The following PDE10A variants were observed in gnomAD, a reference collection of about 807,000 sequenced individuals.
PDE10A encodes the protein phosphodiesterase 10A, also known as cAMP and cAMP-inhibited cGMP 3',5'-cyclic phosphodiesterase 10A.
Under a neutral mutation model 97.7 loss-of-function variants are expected in PDE10A, and 39 were observed. The observed-to-expected ratio is 0.40, with a 90% CI of 0.31 to 0.52. The LOEUF (loss-of-function observed/expected upper bound fraction) is 0.52, where lower values mean the gene tolerates loss of function less well. Ranked by LOEUF, PDE10A falls within the 20% of genes least tolerant of loss-of-function variation. The pLI is 0.56. For synonymous variants in PDE10A, 371 were observed against 376.8 expected (o/e 0.98, Z 0.18); for missense variants, 731 against 1,047.8 (o/e 0.70, Z 4.17).
At chr6:165,658,913 C>T (rs997594225) in intron 1 of PDE10A, among the ~76,000 whole-genome samples, 2 of 152,178 alleles carry the variant, frequency 1.3e-5, no homozygotes, top group Non-Finnish European at 2.9e-5. Context: ...GCATTAACTT[C>T]AAACGTGCTT....
intron 1 of PDE10A, among the ~76,000 whole-genome samples, chr6:165,590,611 G>T (rs1170523137): frequency 6.6e-6 from 1 of 152,126 alleles, no homozygotes; most frequent in African/African-American, 2.4e-5. Context: ...ACTTAAGATG[G>T]TCAGGCACAG....
At chr6:165,795,890 G>A (rs192962044) in intron 1 of PDE10A, among the ~76,000 whole-genome samples, 7 of 152,186 alleles carry the variant, frequency 4.6e-5, no homozygotes, top group Admixed American at 1.3e-4. Flanking sequence ...CCACCTTACA[G>A]TCCTCTCCAC....
chr6:165,580,431 A>T (rs1485216596), intron 1 of PDE10A, among the ~76,000 whole-genome samples: 1 of 152,200 alleles, frequency 6.6e-6, no homozygotes, highest in African/African-American at 2.4e-5. Context: ...AGAGGTAGAA[A>T]TGAGGCTGGT....
At chr6:165,549,985 TC>T (rs1160440214) in intron 1 of PDE10A, among the ~76,000 whole-genome samples, 1 of 152,172 alleles carries the variant, frequency 6.6e-6, no homozygotes, top group Non-Finnish European at 1.5e-5. Context: ...CAATTTTGTG[TC>T]TGTATTAATT....
intron 17 of PDE10A, among the ~76,000 whole-genome samples, chr6:165,385,103 T>C (rs1007858132): frequency 1.3e-5 from 2 of 152,200 alleles, no homozygotes; most frequent in African/African-American, 4.8e-5. Context: ...TTTTTAACTG[T>C]TACCCAAGGA....
intron 15 of PDE10A, among the ~76,000 whole-genome samples, chr6:165,393,045 A>G (rs2060258476): frequency 6.6e-6 from 1 of 152,168 alleles, no homozygotes; most frequent in Non-Finnish European, 1.5e-5. Context: ...CTGTCCCACC[A>G]GCGAAAAAAT....
At chr6:165,333,649 C>T (rs191082080) in intron 21 of PDE10A, among the ~76,000 whole-genome samples, 154 of 152,324 alleles carry the variant, frequency 1.0e-3, no homozygotes, top group African/African-American at 3.4e-3. Flanking sequence ...GGCAAAACTT[C>T]GGAAATTTTC....
chr6:165,780,964 T>C (rs1778326080), intron 1 of PDE10A: 2 of 152,206 alleles, frequency 1.3e-5, no homozygotes, highest in Admixed American at 1.3e-4. Context: ...AATGTGGTAG[T>C]GTTGGGTGGT....
At chr6:165,974,033 G>T (rs149478789) in intron 1 of PDE10A, among the ~76,000 whole-genome samples, 2 of 152,234 alleles carry the variant, frequency 1.3e-5, no homozygotes, top group Admixed American at 1.3e-4. Context: ...TTAAATTCAC[G>T]TTAAATAATG....
In PDE10A at chr6:165,480,384, T is replaced by A. The variant is rs1290344794; in HGVS notation, c.1023+1931A>T. 3.3e-5 allele frequency among the ~76,000 whole-genome samples: 5 copies of A among 152,022 alleles called. No individual in the cohort carries two copies. The South Asian group carries it at 8.3e-4, about 25-fold the overall frequency. ...AGGAAGATCACTTGAGCCCAGGAGTTCAACACTAGCTTGGGCAACATGGAA... is the reference window on the plus strand; with the variant it reads ...AGGAAGATCACTTGAGCCCAGGAGTACAACACTAGCTTGGGCAACATGGAA... On this transcript the variant is annotated intron_variant, in intron 3 of 21. Transcript: ENST00000539869.
chr6:165,806,485 C>T (rs1396509785), intron 1 of PDE10A, among the ~76,000 whole-genome samples: 1 of 152,226 alleles, frequency 6.6e-6, no homozygotes, highest in Non-Finnish European at 1.5e-5. Context: ...CTGTGCTGCG[C>T]AGCCTGTGCC....
intron 18 of PDE10A, among the ~76,000 whole-genome samples, chr6:165,374,550 T>TA (rs929632454): frequency 6.6e-6 from 1 of 151,946 alleles, no homozygotes; most frequent in Non-Finnish European, 1.5e-5. Flanking sequence ...TAAACAAACA[T>TA]AAAAAAATCT....
intron 13 of PDE10A, among the ~76,000 whole-genome samples, chr6:165,401,496 T>C (rs1056344740): frequency 1.1e-4 from 17 of 152,238 alleles, no homozygotes; most frequent in African/African-American, 3.9e-4. Context: ...GAAGCATGTA[T>C]ACCTAATTTA....
chr6:165,936,245 T>A (rs759266964), intron 1 of PDE10A, among the ~76,000 whole-genome samples: 3 of 152,098 alleles, frequency 2.0e-5, no homozygotes, highest in Admixed American at 6.5e-5. Flanking sequence ...AGATATGAAA[T>A]CCATTTTACT....
chr6:165,666,351 C>T (rs1420572855), upstream of PDE10A, among the ~76,000 whole-genome samples: 2 of 152,150 alleles, frequency 1.3e-5, no homozygotes, highest in Non-Finnish European at 2.9e-5. Context: ...TCTACTTATA[C>T]AGATGTCTAC....
chr6:165,543,194 T>C (rs1387761815), intron 2 of PDE10A, among the ~76,000 whole-genome samples: 1 of 152,214 alleles, frequency 6.6e-6, no homozygotes, highest in African/African-American at 2.4e-5. Flanking sequence ...TTCAATATGG[T>C]TGTAACTTAA....
chr6:165,692,551 C>T (rs1403679931), intron 1 of PDE10A, among the ~76,000 whole-genome samples: 1 of 152,182 alleles, frequency 6.6e-6, no homozygotes, highest in Non-Finnish European at 1.5e-5. Flanking sequence ...CACAGAATTC[C>T]AGGCCCCCTC....
At chr6:165,395,866 C>G (rs1463505114) in intron 14 of PDE10A, among the ~76,000 whole-genome samples, 3 of 152,034 alleles carry the variant, frequency 2.0e-5, no homozygotes, top group Non-Finnish European at 4.4e-5. Flanking sequence ...TTATCATAGG[C>G]CCTACCCTCT....
intron 1 of PDE10A, among the ~76,000 whole-genome samples, chr6:165,927,681 T>TATATATATATATATA: frequency 8.3e-6 from 1 of 120,216 alleles, no homozygotes; most frequent in African/African-American, 3.4e-5. Flanking sequence ...TATATATAGT[T>TATATATATATATATA]TTTTGTTTGT....
Sources: allele counts gnomAD v4.1 joint callset (sites outside exome capture counted in the v4.1 genomes callset), GRCh38; gene constraint gnomAD v4.1.1; transcripts MANE v1.5; gene names NCBI Gene and HGNC (gene_info 2026-07-23, HGNC 2026-07-21).